ZNRF1: variants seen among roughly 807,000 people sequenced by gnomAD.
ZNRF1 encodes the protein zinc and ring finger 1.
A neutral mutation model predicts 18.4 loss-of-function variants in ZNRF1; 3 were observed. The ratio of observed to expected loss-of-function variants is 0.16; its 90% CI spans 0.07 to 0.42. ZNRF1 has a LOEUF of 0.42. Ranked by LOEUF, ZNRF1 falls within the 10% of genes least tolerant of loss-of-function variation. ZNRF1 has a pLI of 0.99. For synonymous variants in ZNRF1, 157 were observed against 144.2 expected (o/e 1.09, Z -0.64); for missense variants, 310 against 329.8 (o/e 0.94, Z 0.47).
At position 75,109,356 on chromosome 16, in the gene ZNRF1, C is replaced by G. The variant is rs746511805; in HGVS notation, c.*1656C>G. On this transcript the variant is annotated 3_prime_UTR_variant, in exon 5 of 5. Transcript: ENST00000335325. ...CCTGCAGAGCCAGCGAAGGAAAGCT[C>G]TAGAGGGAGACGACTCCACCGCCTC... 6.5e-6 allele frequency: 1 copy of G among 152,748 alleles called. No homozygotes were observed. Among genetic ancestry groups the G allele is most frequent in the Non-Finnish European group, 1.5e-5 (1 of 68,384 alleles). 9.5% of individuals were successfully genotyped at this position (152,748 alleles called of 1,614,324 possible). A position where few individuals can be genotyped will look rare whatever the true frequency, so the allele number is the denominator to read the frequency against.
chr16:75,108,494 A>G lies in ZNRF1; in HGVS notation c.*794A>G. The G allele has an allele frequency of 2.5e-6, 1 of 398,716 alleles. No individual in the cohort carries two copies. Among genetic ancestry groups the G allele is most frequent in the Non-Finnish European group, 4.4e-6 (1 of 226,004 alleles). 24.7% of individuals were successfully genotyped at this position (398,716 alleles called of 1,614,324 possible). ...AAAAAAGACTTACTAAGAAATATGT[A>G]CAGCTACCCCTGTTTTCAGGCACTA... On this transcript the variant is annotated 3_prime_UTR_variant, in exon 5 of 5. Transcript: ENST00000335325.
At position 75,093,701 on chromosome 16, in the gene ZNRF1, G is replaced by A. The variant is rs761237155; in HGVS notation, c.520+34G>A. The A allele has an allele frequency of 2.5e-6, 4 of 1,576,378 alleles. No individual in the cohort carries two copies. In the Admixed American group the frequency reaches 6.7e-5, roughly 26 times the overall value. On this transcript the variant is annotated intron_variant, in intron 2 of 4. Transcript: ENST00000335325. ...TTGGCCTGCCTCACCAGCCTCCAGA[G>A]CATCCGTCGGGGGAGCCGGCCAGTC...
chr16:75,096,061 C>CGTGTGTGTGTGTGTGTGTGTGTGTGT (rs56013949), intron 2 of ZNRF1, among the ~76,000 whole-genome samples: 24 of 139,740 alleles, frequency 1.7e-4, no homozygotes, highest in Admixed American at 7.9e-4. Flanking sequence ...TATGTGTGCA[C>CGTGTGTGTGTGTGTGTGTGTGTGTGT]GTGTGTGTGT....
At chr16:75,070,646 G>C (rs1400885023) in intron 1 of ZNRF1, among the ~76,000 whole-genome samples, 1 of 151,998 alleles carries the variant, frequency 6.6e-6, no homozygotes, top group Admixed American at 6.6e-5. Context: ...TGACATCCTA[G>C]GAACCCTCCC....
chr16:75,109,356 C>T lies in ZNRF1; in HGVS notation c.*1656C>T, dbSNP rs746511805. 6.5e-6 allele frequency: 1 copy of T among 152,748 alleles called. No individual in the cohort carries two copies. The highest frequency in any genetic ancestry group is 1.5e-5 in the Non-Finnish European group (1 of 68,384). 9.5% of individuals were successfully genotyped at this position (152,748 alleles called of 1,614,324 possible). A position where few individuals can be genotyped will look rare whatever the true frequency, so the allele number is the denominator to read the frequency against. On this transcript the variant is annotated 3_prime_UTR_variant, in exon 5 of 5. Transcript: ENST00000335325. ...CCTGCAGAGCCAGCGAAGGAAAGCT[C>T]TAGAGGGAGACGACTCCACCGCCTC...
chr16:75,009,750 A>C (rs1055230859), intron 1 of ZNRF1, among the ~76,000 whole-genome samples: 5 of 151,304 alleles, frequency 3.3e-5, no homozygotes, highest in African/African-American at 1.2e-4. Context: ...TTATATTCCT[A>C]CCAACAGTGC....
intron 1 of ZNRF1, among the ~76,000 whole-genome samples, chr16:75,042,467 A>G (rs1278940955): frequency 7.0e-6 from 1 of 143,050 alleles, no homozygotes; most frequent in African/African-American, 2.6e-5. Context: ...TTTTTTGTAA[A>G]CACACATATT....
chr16:75,050,609 C>T (rs2035583190), intron 1 of ZNRF1, among the ~76,000 whole-genome samples: 1 of 151,952 alleles, frequency 6.6e-6, no homozygotes, highest in Non-Finnish European at 1.5e-5. Context: ...TGGCTCACGC[C>T]TGTAATCCCA....
chr16:75,064,510 C>G (rs1386521936), intron 1 of ZNRF1, among the ~76,000 whole-genome samples: 3 of 147,502 alleles, frequency 2.0e-5, no homozygotes, highest in Non-Finnish European at 4.5e-5. Context: ...GAGCCAAGAT[C>G]GTGCCATTGC....
At chr16:75,087,102 C>G (rs2145416259) in intron 1 of ZNRF1, among the ~76,000 whole-genome samples, 1 of 152,330 alleles carries the variant, frequency 6.6e-6, no homozygotes, top group African/African-American at 2.4e-5. Flanking sequence ...GTTGATATTG[C>G]ATGATAAATG....
chr16:75,038,505 G>C (rs1388386135), intron 1 of ZNRF1, among the ~76,000 whole-genome samples: 1 of 152,174 alleles, frequency 6.6e-6, no homozygotes, highest in Non-Finnish European at 1.5e-5. Context: ...CCTTCCGTTG[G>C]TCAAAACAAG....
At chr16:75,001,232 TAACTACTGTG>T (rs1276505605) in intron 1 of ZNRF1, among the ~76,000 whole-genome samples, 1 of 152,218 alleles carries the variant, frequency 6.6e-6, no homozygotes, top group Non-Finnish European at 1.5e-5. Flanking sequence ...ATCACTCTTT[TAACTACTGTG>T]AAATAGGGTT....
intron 1 of ZNRF1, among the ~76,000 whole-genome samples, chr16:75,027,545 C>T (rs1000120108): frequency 1.3e-5 from 2 of 152,132 alleles, no homozygotes; most frequent in African/African-American, 4.8e-5. Context: ...AACTACAGCC[C>T]ATTGAACCTA....
chr16:75,001,821 C>A (rs1243182022), intron 1 of ZNRF1, among the ~76,000 whole-genome samples: 1 of 152,192 alleles, frequency 6.6e-6, no homozygotes, highest in East Asian at 1.9e-4. Flanking sequence ...AGGTTCCATG[C>A]TACAGTTATG....
intron 1 of ZNRF1, among the ~76,000 whole-genome samples, chr16:75,056,200 A>T (rs191278259): frequency 6.6e-6 from 1 of 152,204 alleles, no homozygotes; most frequent in Admixed American, 6.5e-5. Context: ...CTTCTTCTTA[A>T]GAGGTATGGG....
intron 1 of ZNRF1, among the ~76,000 whole-genome samples, chr16:75,021,329 C>T (rs867073558): frequency 1.3e-5 from 2 of 152,164 alleles, no homozygotes; most frequent in South Asian, 2.1e-4. Context: ...GTGAGCCAGG[C>T]GCCTGGCCTT....
chr16:75,107,485 A>G (rs2036331333), intron 4 of ZNRF1: 1 of 329,948 alleles, frequency 3.0e-6, no homozygotes, highest in East Asian at 9.3e-5. Flanking sequence ...AATCAGGGAC[A>G]TTTGCTCTTT....
chr16:75,045,068 A>G lies in ZNRF1; in HGVS notation c.424+44973A>G, dbSNP rs548582172. ...AAACTTCGTCTTAGGATCTTCTGGC[A>G]GGTGTCCTGGTTGGATCGTGGGTGG... On this transcript the variant is annotated intron_variant, in intron 1 of 4. Coordinates refer to ENST00000335325, the MANE Select transcript of ZNRF1 (RefSeq NM_032268.5). Among the ~76,000 whole-genome samples, 23 of 152,306 alleles carry G rather than the reference A, an allele frequency of 1.5e-4. No individual in the cohort carries two copies. The South Asian group carries it at 3.5e-3, about 23-fold the overall frequency.
chr16:75,096,227 G>T (rs1024239463), intron 2 of ZNRF1, among the ~76,000 whole-genome samples: 17 of 152,146 alleles, frequency 1.1e-4, no homozygotes, highest in African/African-American at 3.9e-4. Flanking sequence ...GAAGTGCTTT[G>T]TTCAGAAACA....
Sources: gnomAD v4.1 joint callset for allele counts (sites outside exome capture counted in the v4.1 genomes callset) on GRCh38, gnomAD v4.1.1 for gene constraint, MANE v1.5 for transcripts, NCBI Gene and HGNC (gene_info 2026-07-23, HGNC 2026-07-21) for gene names.